COL5A2: variants seen among roughly 807,000 people sequenced by gnomAD.
COL5A2 encodes collagen alpha-2(V) chain.
COL5A2 carries 23 observed loss-of-function variants against 208.2 expected under a neutral mutation model. That is an observed-to-expected ratio of 0.11 (90% CI 0.08 to 0.16). The LOEUF (loss-of-function observed/expected upper bound fraction) is 0.16. COL5A2 is among the 10% of genes least tolerant of loss of function. The probability of loss-of-function intolerance (pLI) is 1.00; values close to 1 mark genes in which losing one functional copy is unlikely to be tolerated. For synonymous variants in COL5A2, 625 were observed against 628.5 expected, an observed-to-expected ratio of 0.99 and a Z score of 0.08; for missense variants, 1,590 against 1,956.4, an observed-to-expected ratio of 0.81 and a Z score of 3.53.
At chr2:189,228,066 A>G, upstream of COL5A2, among the ~76,000 whole-genome samples, 1 of 152,048 alleles carries the variant, frequency 6.6e-6, no homozygotes. Context: ...TGAACAACCA[A>G]TGGGCAAAAT....
At chr2:189,293,350 CG>C in the COL5A2 span, among the ~76,000 whole-genome samples, 2 of 152,104 alleles carry the variant, frequency 1.3e-5, no homozygotes, top group Non-Finnish European at 2.9e-5. Flanking sequence ...AATTCTCAAC[CG>C]GTGACTAATG....
At chr2:189,333,951 G>T in the COL5A2 span, among the ~76,000 whole-genome samples, 1 of 151,222 alleles carries the variant, frequency 6.6e-6, no homozygotes, top group Admixed American at 6.6e-5. Flanking sequence ...AAGATATAAT[G>T]CAGTCATCTC....
At chr2:189,187,766 G>A (rs925164094) in intron 1 of COL5A2, among the ~76,000 whole-genome samples, 1 of 152,008 alleles carries the variant, frequency 6.6e-6, no homozygotes, top group Non-Finnish European at 1.5e-5. Context: ...TCAGGAGATC[G>A]AGACCATCCT....
intron 50 of COL5A2, among the ~76,000 whole-genome samples, chr2:189,040,113 G>A (rs1685528070): frequency 6.6e-6 from 1 of 152,090 alleles, no homozygotes; most frequent in South Asian, 2.1e-4. Flanking sequence ...ATTAATTCCT[G>A]TACAGATAAA....
chr2:189,159,704 A>T (rs1688320431), intron 1 of COL5A2, among the ~76,000 whole-genome samples: 1 of 94,598 alleles, frequency 1.1e-5, no homozygotes, highest in African/African-American at 3.5e-5. Context: ...AAATTATTTA[A>T]AAAAATCTAA....
At chr2:189,426,042 G>A in the COL5A2 span, among the ~76,000 whole-genome samples, 1 of 152,172 alleles carries the variant, frequency 6.6e-6, no homozygotes, top group Non-Finnish European at 1.5e-5. Flanking sequence ...CAAGAGTGAG[G>A]CATTGCTATA....
chr2:189,052,825 G>A, intron 39 of COL5A2, 23 bp from the exon 40 acceptor site: 1 of 1,613,876 alleles, frequency 6.2e-7, no homozygotes. Flanking sequence ...AAACAAAAGA[G>A]CACTATAGTG....
chr2:189,109,073 C>A (rs1023602191), intron 2 of COL5A2, among the ~76,000 whole-genome samples: 1 of 151,272 alleles, frequency 6.6e-6, no homozygotes, highest in African/African-American at 2.4e-5. Flanking sequence ...TAGCTGAACT[C>A]AACCACTTTT....
chr2:189,036,391 T>C (rs1474089923), intron 52 of COL5A2, among the ~76,000 whole-genome samples: 1 of 152,134 alleles, frequency 6.6e-6, no homozygotes, highest in East Asian at 1.9e-4. Context: ...CTATATTTCA[T>C]CCATGAGAAA....
the COL5A2 span, among the ~76,000 whole-genome samples, chr2:189,412,556 T>C: frequency 1.8e-3 from 278 of 152,360 alleles, 1 homozygote; most frequent in African/African-American, 6.1e-3. Flanking sequence ...CCATGTGGTC[T>C]GTCTGTATTT....
At chr2:189,174,955 C>G (rs1353207208) in intron 1 of COL5A2, among the ~76,000 whole-genome samples, 1 of 152,110 alleles carries the variant, frequency 6.6e-6, no homozygotes, top group Non-Finnish European at 1.5e-5. Context: ...ATTTATGTGC[C>G]ATTCAGTCTT....
chr2:189,257,737 T>C, the COL5A2 span, among the ~76,000 whole-genome samples: 1 of 152,294 alleles, frequency 6.6e-6, no homozygotes, highest in Non-Finnish European at 1.5e-5. Flanking sequence ...CTACAGAATA[T>C]AGTAAAAGAC....
At chr2:189,222,315 C>T (rs961218966) in intron 1 of COL5A2, among the ~76,000 whole-genome samples, 1 of 152,076 alleles carries the variant, frequency 6.6e-6, no homozygotes, top group Non-Finnish European at 1.5e-5. Context: ...GTGTGGTCCA[C>T]ATATTAAGAA....
intron 53 of COL5A2, 45 bp downstream of exon 53, chr2:189,034,871 A>AT (rs757882953): frequency 4.4e-6 from 7 of 1,609,102 alleles, no homozygotes; most frequent in African/African-American, 1.3e-5. Flanking sequence ...AACAAAAATA[A>AT]TTTTTTTTCC....
At chr2:189,115,828 C>G (rs1687378142) in intron 1 of COL5A2, among the ~76,000 whole-genome samples, 1 of 152,122 alleles carries the variant, frequency 6.6e-6, no homozygotes, top group East Asian at 1.9e-4. Context: ...ATTGATATGC[C>G]TATTAAAAAG....
the COL5A2 span, among the ~76,000 whole-genome samples, chr2:189,325,808 G>T: frequency 6.6e-6 from 1 of 152,170 alleles, no homozygotes; most frequent in East Asian, 1.9e-4. Context: ...ATAGAAAAAG[G>T]TTAGAAGGCC....
At chr2:189,326,344 A>G in the COL5A2 span, among the ~76,000 whole-genome samples, 1 of 152,106 alleles carries the variant, frequency 6.6e-6, no homozygotes, top group South Asian at 2.1e-4. Context: ...AGAGGCAAAG[A>G]TGTAGAAAGA....
At chr2:189,186,483 A>T (rs1688854284) in intron 1 of COL5A2, among the ~76,000 whole-genome samples, 1 of 152,162 alleles carries the variant, frequency 6.6e-6, no homozygotes, top group Non-Finnish European at 1.5e-5. Flanking sequence ...TAAAATCAAC[A>T]CGGTGGGGTA....
chr2:189,315,862 C>G, the COL5A2 span, among the ~76,000 whole-genome samples: 67 of 152,108 alleles, frequency 4.4e-4, no homozygotes, highest in Non-Finnish European at 9.6e-4. Flanking sequence ...GAAAAAAGCT[C>G]AATATCACTG....
Sources: gnomAD v4.1 joint callset for allele counts (sites outside exome capture counted in the v4.1 genomes callset) on GRCh38, gnomAD v4.1.1 for gene constraint, MANE v1.5 for transcripts, NCBI Gene and HGNC (gene_info 2026-07-23, HGNC 2026-07-21) for gene names.